SLC7A5: variants seen among roughly 807,000 people sequenced by gnomAD.
The protein encoded by SLC7A5 is large neutral amino acids transporter small subunit 1.
A neutral mutation model predicts 50.2 loss-of-function variants in SLC7A5; 23 were observed. The observed-to-expected ratio is 0.46, with a 90% CI of 0.33 to 0.65. The LOEUF (loss-of-function observed/expected upper bound fraction) is 0.65, where lower values mean the gene tolerates loss of function less well. SLC7A5 is among the 30% of genes least tolerant of loss of function. The pLI is 0.02. For missense variants in SLC7A5, 578 were observed against 684.4 expected (o/e 0.84, Z 1.73); for synonymous variants, 393 against 330.6 (o/e 1.19, Z -2.05).
intron 1 of SLC7A5, among the ~76,000 whole-genome samples, chr16:87,854,223 CG>C (rs1221438972): frequency 6.6e-6 from 1 of 151,998 alleles, no homozygotes; most frequent in Non-Finnish European, 1.5e-5. Context: ...GACAGACAGG[CG>C]GGGGCCGGGT....
Position 87,838,717 on chromosome 16 carries a change from G to C in SLC7A5, c.1040C>G (p.Ser347Cys). The C allele has an allele frequency of 1.2e-6, 2 of 1,612,350 alleles. No homozygotes were observed. The highest frequency in any genetic ancestry group is 1.7e-6 in the Non-Finnish European group (2 of 1,178,532). The change falls in exon 6 of 10, where the codon TCC (serine) becomes TGC (cysteine). Residue 347 changes from serine to cysteine, a missense_variant. Ser to Cys is a moderately radical substitution (Grantham distance 112, BLOSUM62 -1). Around this residue, in one of 2 missense-constraint regions of SLC7A5, gnomAD observed 465 missense variants for 594.6 expected, o/e 0.78. Transcript: ENST00000261622. ...TGGTGGGTCGGGCTGTGCTCACCTG[G>C]AGGATGTGAACAGGGACCCATTGAC... Reference protein sequence around the residue: ...GSVNGSLFTSSRLFFVGSREG... With the variant: ...GSVNGSLFTSCRLFFVGSREG...
chr16:87,843,407 T>C (rs58267629), intron 2 of SLC7A5, among the ~76,000 whole-genome samples: 47,585 of 136,918 alleles, frequency 0.35, 9,607 homozygotes, highest in South Asian at 0.58. Flanking sequence ...TCCACCACGC[T>C]TGGCTAATTT....
Position 87,869,084 on chromosome 16 carries a change from C to G in SLC7A5, c.339G>C (p.Ser113=), listed in dbSNP as rs752745484. The G allele has an allele frequency of 6.2e-7, 1 of 1,611,836 alleles. No homozygotes were observed. The highest frequency in any genetic ancestry group is 8.5e-7 in the Non-Finnish European group (1 of 1,179,784). ...CCAGCATGTAGGCGTAGTCGCCGCC[C>G]GATTTGGAGATGGTGGTGCCGAGCT... The part of the protein sequence containing the change: ...YAELGTTISK[S]GGDYAYMLEV... Residue 113 remains serine, a synonymous_variant, in exon 1 of 10, where the codon TCG becomes TCC. Transcript: ENST00000261622.
At chr16:87,850,514 G>C (rs1029483541) in intron 2 of SLC7A5, among the ~76,000 whole-genome samples, 2 of 152,214 alleles carry the variant, frequency 1.3e-5, no homozygotes, top group African/African-American at 2.4e-5. Flanking sequence ...GCGTGCATCC[G>C]CCGGGTGCCT....
chr16:87,851,678 G>A, intron 2 of SLC7A5, 46 bp downstream of exon 2: 1 of 1,599,004 alleles, frequency 6.3e-7, no homozygotes, highest in Admixed American at 1.7e-5. Context: ...GGACACACAG[G>A]CAAAGCCTCG....
chr16:87,864,883 G>A (rs1042202695), intron 1 of SLC7A5, among the ~76,000 whole-genome samples: 3 of 152,190 alleles, frequency 2.0e-5, no homozygotes, highest in African/African-American at 7.2e-5. Context: ...AAGCTAGCTA[G>A]GTAAACTACG....
rs182177864 is a variant in SLC7A5 at position 87,850,235 on chromosome 16, C to T, written c.664+1489G>A. ...TGCGGGGCACTGTTCAGTTCACAGCCCACCAGTGGCACGGTGCACACAGGA... is the reference window on the plus strand; with the variant it reads ...TGCGGGGCACTGTTCAGTTCACAGCTCACCAGTGGCACGGTGCACACAGGA... On this transcript the variant is annotated intron_variant, in intron 2 of 9. Transcript: ENST00000261622. 3.9e-4 allele frequency among the ~76,000 whole-genome samples: 60 copies of T among 152,280 alleles called. No individual in the cohort carries two copies. The Middle Eastern group carries it at 0.01, about 26-fold the overall frequency.
At chr16:87,845,344 T>C (rs1337907167) in intron 2 of SLC7A5, among the ~76,000 whole-genome samples, 1 of 152,206 alleles carries the variant, frequency 6.6e-6, no homozygotes, top group Non-Finnish European at 1.5e-5. Context: ...CTAGCTGCCC[T>C]GTGGGCTCAG....
At chr16:87,846,068 G>A (rs147480675) in intron 2 of SLC7A5, among the ~76,000 whole-genome samples, 5 of 152,220 alleles carry the variant, frequency 3.3e-5, no homozygotes, top group Non-Finnish European at 7.3e-5. Flanking sequence ...GGTCTTCGAG[G>A]CCCAAAAGAG....
intron 2 of SLC7A5, among the ~76,000 whole-genome samples, chr16:87,849,484 T>A (rs982821156): frequency 2.6e-5 from 4 of 152,210 alleles, no homozygotes; most frequent in African/African-American, 9.7e-5. Context: ...CTCTTTGCTC[T>A]CCCTACCGAA....
chr16:87,832,727 G>T lies in SLC7A5; in HGVS notation c.*243C>A. The stretch of plus-strand genomic sequence containing the variant: ...AGGAGGGAAGGGAAAAAGGGCCCAA[G>T]GAGACCAAAAGCTGCTCCTGGGCAG... On this transcript the variant is annotated 3_prime_UTR_variant, in exon 10 of 10. Coordinates refer to ENST00000261622, the MANE Select transcript of SLC7A5 (RefSeq NM_003486.7). This position sits in a 1 kb window ranked among gnomAD's most constrained non-coding sequence, Gnocchi z 4.6. 1 of 462,036 alleles carries T rather than the reference G, an allele frequency of 2.2e-6. No homozygotes were observed. Among genetic ancestry groups the T allele is most frequent in the Non-Finnish European group, 4.0e-6 (1 of 251,946 alleles). The allele number at this position is 462,036 out of a possible 1,614,324, so 28.6% of individuals were successfully genotyped here.
chr16:87,851,990 G>C, intron 1 of SLC7A5, 141 bp from the exon 2 acceptor site: 1 of 961,604 alleles, frequency 1.0e-6, no homozygotes. Context: ...CCAGTCCCCT[G>C]CCAGCCCTTA....
At chr16:87,842,676 T>G (rs1039617615) in intron 2 of SLC7A5, among the ~76,000 whole-genome samples, 1 of 152,146 alleles carries the variant, frequency 6.6e-6, no homozygotes, top group African/African-American at 2.4e-5. Flanking sequence ...GGGGTGCTGG[T>G]GGGTTCCCTG....
At chr16:87,856,715 C>G (rs2055326279) in intron 1 of SLC7A5, among the ~76,000 whole-genome samples, 1 of 152,326 alleles carries the variant, frequency 6.6e-6, no homozygotes, top group Admixed American at 6.5e-5. Flanking sequence ...TTTAGTAGAA[C>G]CAGTACCTTC....
At chr16:87,847,709 A>G (rs8044846) in intron 2 of SLC7A5, among the ~76,000 whole-genome samples, 4,057 of 152,188 alleles carry the variant, frequency 0.027, 172 homozygotes, top group African/African-American at 0.09. Flanking sequence ...TGCACACTGC[A>G]CCCAGGGTCA....
At chr16:87,867,508 G>A (rs2055478310) in intron 1 of SLC7A5, among the ~76,000 whole-genome samples, 1 of 152,148 alleles carries the variant, frequency 6.6e-6, no homozygotes, top group Admixed American at 6.5e-5. Flanking sequence ...GAGCCCTGCT[G>A]AGTCTTGCCC....
At chr16:87,834,629 G>A in intron 8 of SLC7A5, 38 bp from the exon 9 acceptor site, 1 of 1,557,192 alleles carries the variant, frequency 6.4e-7, no homozygotes, top group Non-Finnish European at 8.7e-7. Flanking sequence ...GCCCTCTCCT[G>A]TCCAGCCTCC....
At chr16:87,857,196 C>T (rs2055332540) in intron 1 of SLC7A5, among the ~76,000 whole-genome samples, 1 of 151,924 alleles carries the variant, frequency 6.6e-6, no homozygotes, top group African/African-American at 2.4e-5. Context: ...GAAGCAGTTC[C>T]GGGGCAGGGA....
intron 6 of SLC7A5, among the ~76,000 whole-genome samples, chr16:87,838,353 A>G (rs2055038890): frequency 7.2e-6 from 1 of 139,820 alleles, no homozygotes; most frequent in African/African-American, 2.7e-5. Context: ...GTGCAGTGGC[A>G]CCATCTCGGC....
Sources: gnomAD v4.1 joint callset for allele counts (sites outside exome capture counted in the v4.1 genomes callset) on GRCh38, gnomAD v4.1.1 for gene constraint, gnomAD v4.1.1 regional missense constraint, Gnocchi (gnomAD v3.1) non-coding constraint, MANE v1.5 for transcripts, NCBI Gene and HGNC (gene_info 2026-07-23, HGNC 2026-07-21) for gene names.